The following ELAPOR1 variants were observed in gnomAD, a reference collection of about 807,000 sequenced individuals.
ELAPOR1 encodes the protein endosome-lysosome associated apoptosis and autophagy regulator 1.
In ELAPOR1, 77 loss-of-function variants were observed where a neutral mutation model predicts 119.7. The ratio of observed to expected loss-of-function variants is 0.64; its 90% confidence interval spans 0.54 to 0.78. ELAPOR1 has a LOEUF of 0.78. Ranked by LOEUF, ELAPOR1 falls within the 30% of genes least tolerant of loss-of-function variation. ELAPOR1 has a pLI of 0.00. For missense variants in ELAPOR1, 1,115 were observed against 1,270.4 expected (o/e 0.88, Z 1.86); for synonymous variants, 481 against 487.2 (o/e 0.99, Z 0.17).
chr1:109,200,784 T>C lies in ELAPOR1; in HGVS notation c.2857T>C (p.Cys953Arg), dbSNP rs1314979154. 1 of 1,614,244 alleles carries C rather than the reference T, an allele frequency of 6.2e-7. No individual in the cohort carries two copies. Among genetic ancestry groups the C allele is most frequent in the South Asian group, 1.1e-5 (1 of 91,090 alleles). ...KLVMNATLKD[C>R]DLPAADSCAI... ...GGTGATGAATGCTACTCTCAAGGAC[T>C]GTGACCTGCCAGCAGCTGACAGCTG... is the stretch of plus-strand genomic sequence containing the variant. The change falls in exon 21 of 22, where the codon TGT becomes CGT. Residue 953 changes from cysteine (C) to arginine (R), a missense_variant. Cys to Arg is a radical substitution (Grantham distance 180). Transcript: ENST00000369939.
intron 11 of ELAPOR1, 108 bp downstream of exon 11, chr1:109,189,790 C>A: frequency 2.5e-6 from 2 of 800,224 alleles, no homozygotes; most frequent in Non-Finnish European, 2.1e-6. Context: ...TGTTTCATTT[C>A]ATTTCAAATG....
chr1:109,169,131 G>A (rs1280012819), intron 3 of ELAPOR1, among the ~76,000 whole-genome samples: 1 of 151,730 alleles, frequency 6.6e-6, no homozygotes, highest in Non-Finnish European at 1.5e-5. Context: ...CATGTTATAT[G>A]TTTTCGTTTT....
At chr1:109,140,879 T>C (rs1365241594) in intron 1 of ELAPOR1, among the ~76,000 whole-genome samples, 1 of 152,108 alleles carries the variant, frequency 6.6e-6, no homozygotes, top group Non-Finnish European at 1.5e-5. Context: ...TGAGACAGAG[T>C]CTGTCTCTGT....
intron 1 of ELAPOR1, chr1:109,161,681 C>A: frequency 2.3e-6 from 1 of 436,744 alleles, no homozygotes; most frequent in Admixed American, 3.5e-5. Context: ...AAAATGATTT[C>A]TAGGGACTAG....
At position 109,114,330 on chromosome 1, in the gene ELAPOR1, C is replaced by A; in HGVS notation, c.147C>A (p.Cys49Ter). 1 of 1,588,854 alleles carries A rather than the reference C, an allele frequency of 6.3e-7. No individual in the cohort carries two copies. The highest frequency in any genetic ancestry group is 2.3e-5 in the East Asian group (1 of 43,430). ...TQGTGPELHA[C>*]KESEYHYEYT... The stretch of plus-strand genomic sequence containing the variant: ...GAACGGGACCGGAGCTTCATGCCTG[C>A]AAAGAGGTACTGCCGCCCCCCTACC... The change falls in exon 1 of 22, where the codon TGC (cysteine) becomes TGA (stop). Residue 49 changes from cysteine (C) to a stop codon, truncating the protein, a stop_gained. Coordinates refer to ENST00000369939, the MANE Select transcript of ELAPOR1 (RefSeq NM_020775.5). LOFTEE classifies it high-confidence loss of function.
chr1:109,164,821 C>T lies in ELAPOR1; in HGVS notation c.467+130C>T, dbSNP rs977978405. 8.2e-6 allele frequency: 7 copies of T among 851,740 alleles called. No homozygotes were observed. In the African/African-American group the frequency reaches 8.6e-5, roughly 10 times the overall value. 52.8% of individuals were successfully genotyped at this position (851,740 alleles called of 1,614,324 possible). On this transcript the variant is annotated intron_variant, in intron 3 of 21. Coordinates refer to ENST00000369939, the MANE Select transcript of ELAPOR1 (RefSeq NM_020775.5). The stretch of plus-strand genomic sequence containing the variant: ...TGGAGGGAAGAGGAAGCCAGGCTGC[C>T]AGGGTGAGGCCTGCAGCTGTGCCCG...
intron 14 of ELAPOR1, 118 bp downstream of exon 14, chr1:109,192,992 C>A: frequency 8.5e-7 from 1 of 1,175,286 alleles, no homozygotes; most frequent in South Asian, 1.5e-5. Flanking sequence ...CCCTAGCATA[C>A]TCCTAGGTTG....
intron 1 of ELAPOR1, among the ~76,000 whole-genome samples, chr1:109,140,265 G>T (rs1441216726): frequency 6.6e-6 from 1 of 152,108 alleles, no homozygotes; most frequent in Non-Finnish European, 1.5e-5. Flanking sequence ...TGTCCTGACT[G>T]TATTTGTATC....
chr1:109,139,004 C>T (rs971781046), intron 1 of ELAPOR1, among the ~76,000 whole-genome samples: 1 of 151,876 alleles, frequency 6.6e-6, no homozygotes. Flanking sequence ...CTGTCCTGGC[C>T]CCCTAGTTCT....
At chr1:109,164,442 C>T in intron 2 of ELAPOR1, 57 bp from the exon 3 acceptor site, 1 of 1,486,506 alleles carries the variant, frequency 6.7e-7, no homozygotes, top group Non-Finnish European at 9.2e-7. Context: ...GCAGCCCATT[C>T]ACTTCTGGGG....
chr1:109,177,343 G>A (rs1399088124), intron 7 of ELAPOR1, among the ~76,000 whole-genome samples: 4 of 124,332 alleles, frequency 3.2e-5, no homozygotes, highest in Admixed American at 7.8e-5. Flanking sequence ...TCTCAGACCG[G>A]GCGGCTGCCG....
chr1:109,191,129 G>A (rs1296684380), intron 11 of ELAPOR1, among the ~76,000 whole-genome samples: 1 of 152,108 alleles, frequency 6.6e-6, no homozygotes, highest in African/African-American at 2.4e-5. Context: ...GTCTCCCCGC[G>A]ATGATGGGGG....
At chr1:109,200,702 G>A in intron 20 of ELAPOR1, 33 bp from the exon 21 acceptor site, 1 of 1,602,096 alleles carries the variant, frequency 6.2e-7, no homozygotes, top group Non-Finnish European at 8.5e-7. Flanking sequence ...CCACATTTTG[G>A]GATCTTGTCT....
rs1159143356 is a variant in ELAPOR1 at position 109,205,380 on chromosome 1, A to C, written c.*2368A>C. ...GCTGCCCTGGCAATGGCTTTGTAAG[A>C]GTCAATGAGAACTAGAGCCAGGCTG... On this transcript the variant is annotated 3_prime_UTR_variant, in exon 22 of 22. Transcript: ENST00000369939. 1 of 152,250 alleles carries C rather than the reference A, an allele frequency of 6.6e-6. No homozygotes were observed. Among genetic ancestry groups the C allele is most frequent in the Non-Finnish European group, 1.5e-5 (1 of 68,042 alleles). The allele number at this position is 152,250 out of a possible 1,614,324, so 9.4% of individuals were successfully genotyped here.
Position 109,203,550 on chromosome 1 carries a change from G to C in ELAPOR1, c.*538G>C, listed in dbSNP as rs1654308570. On this transcript the variant is annotated 3_prime_UTR_variant, in exon 22 of 22. Coordinates refer to ENST00000369939, the MANE Select transcript of ELAPOR1 (RefSeq NM_020775.5). ...GTGAAAATGGTAGTCTGAGGGCAAG[G>C]GGAGCAAGGCCTGGGTAAGAAAAGC... 2 of 152,626 alleles carry C rather than the reference G, an allele frequency of 1.3e-5. No individual in the cohort carries two copies. The highest frequency in any genetic ancestry group is 4.8e-5 in the African/African-American group (2 of 41,422). 9.5% of individuals were successfully genotyped at this position (152,626 alleles called of 1,614,324 possible).
chr1:109,175,698 G>A (rs1652229104), intron 7 of ELAPOR1, among the ~76,000 whole-genome samples: 1 of 150,294 alleles, frequency 6.7e-6, no homozygotes, highest in South Asian at 2.1e-4. Flanking sequence ...GTGGGGGCGT[G>A]TGCCTGTAAT....
chr1:109,188,413 G>C, intron 9 of ELAPOR1, 59 bp downstream of exon 9: 1 of 1,540,520 alleles, frequency 6.5e-7, no homozygotes, highest in Non-Finnish European at 8.8e-7. Context: ...GGGCTGTGTG[G>C]GCACTAACAG....
intron 1 of ELAPOR1, among the ~76,000 whole-genome samples, chr1:109,124,941 T>G (rs572693162): frequency 1.1e-3 from 173 of 152,182 alleles, no homozygotes; most frequent in African/African-American, 3.6e-3. Flanking sequence ...TCTTTTTTTT[T>G]TGAGAGAGAC....
intron 1 of ELAPOR1, among the ~76,000 whole-genome samples, chr1:109,128,821 G>A (rs1476619901): frequency 6.6e-6 from 1 of 152,132 alleles, no homozygotes; most frequent in Non-Finnish European, 1.5e-5. Context: ...ATCTAAACAG[G>A]CTCTTTGTAC....
Sources: gnomAD v4.1 joint callset for allele counts (sites outside exome capture counted in the v4.1 genomes callset) on GRCh38, gnomAD v4.1.1 for gene constraint, MANE v1.5 for transcripts, NCBI Gene and HGNC (gene_info 2026-07-23, HGNC 2026-07-21) for gene names.